ADCY7: variants seen among roughly 807,000 people sequenced by gnomAD.
ADCY7 encodes the protein adenylate cyclase 7, also known as adenylate cyclase type 7.
A neutral mutation model predicts 120.6 loss-of-function variants in ADCY7; 72 were observed. The observed-to-expected ratio is 0.60, with a 90% confidence interval of 0.49 to 0.73. The LOEUF is 0.73. Among genes scored for constraint, ADCY7 ranks in the 30% least tolerant of loss-of-function variants. The pLI is 0.00. For missense variants in ADCY7, 1,227 were observed against 1,486.0 expected (o/e 0.83, Z 2.87); for synonymous variants, 661 against 628.0 (o/e 1.05, Z -0.78).
intron 1 of ADCY7, among the ~76,000 whole-genome samples, chr16:50,277,820 G>A (rs1301003225): frequency 1.3e-5 from 2 of 151,546 alleles, no homozygotes; most frequent in Admixed American, 6.6e-5. Flanking sequence ...ACAGGCACCC[G>A]CCACCACGCC....
At position 50,312,080 on chromosome 16, in the gene ADCY7, C is replaced by A; in HGVS notation, c.2493C>A (p.Phe831Leu). ...CRLDCLWKKK[F>L]KKEHEEFETM... ...TGGACTGCCTATGGAAGAAGAAGTT[C>A]AAGAAGGAGCACGAGGAGTTTGAGA... is the stretch of plus-strand genomic sequence containing the variant. Residue 831 changes from phenylalanine to leucine, a missense_variant, in exon 21 of 26, where the codon TTC (phenylalanine) becomes TTA (leucine). By Grantham distance (22) the Phe-to-Leu change is conservative. Coordinates refer to ENST00000673801, the MANE Select transcript of ADCY7 (RefSeq NM_001114.5). The A allele has an allele frequency of 6.2e-7, 1 of 1,614,190 alleles. No individual in the cohort carries two copies. The highest frequency in any genetic ancestry group is 8.5e-7 in the Non-Finnish European group (1 of 1,180,028).
chr16:50,305,469 C>T, intron 12 of ADCY7, 34 bp from the exon 13 acceptor site: 1 of 1,595,646 alleles, frequency 6.3e-7, no homozygotes, highest in Non-Finnish European at 8.6e-7. Flanking sequence ...GAGGTGGTCG[C>T]TGTGCTGATG....
intron 24 of ADCY7, chr16:50,314,774 C>G (rs1414968528): frequency 2.0e-6 from 1 of 509,894 alleles, no homozygotes; most frequent in Non-Finnish European, 3.5e-6. Flanking sequence ...GAGAGATTAG[C>G]AGATACAAGT....
upstream of ADCY7, among the ~76,000 whole-genome samples, chr16:50,262,340 C>A (rs2033080519): frequency 6.6e-6 from 1 of 151,790 alleles, no homozygotes; most frequent in Non-Finnish European, 1.5e-5. Context: ...TTACTGCAAC[C>A]TTTGCTTCCT....
At chr16:50,255,952 A>C (rs1441378694) in intron 1 of ADCY7, among the ~76,000 whole-genome samples, 1 of 152,256 alleles carries the variant, frequency 6.6e-6, no homozygotes, top group South Asian at 2.1e-4. Context: ...AGACTTAAAC[A>C]TAAGACCTGA....
chr16:50,264,072 C>T (rs2033127252), upstream of ADCY7, among the ~76,000 whole-genome samples: 2 of 152,184 alleles, frequency 1.3e-5, no homozygotes, highest in South Asian at 4.1e-4. Context: ...TAACCAGCAC[C>T]CACAGGGAGA....
intron 1 of ADCY7, among the ~76,000 whole-genome samples, chr16:50,253,460 C>T (rs2032818643): frequency 1.3e-5 from 2 of 152,172 alleles, no homozygotes; most frequent in South Asian, 2.1e-4. Flanking sequence ...CCATGTTGCC[C>T]AGGCTGGTCT....
intron 22 of ADCY7, chr16:50,313,608 C>A (rs1053383579): frequency 1.9e-5 from 5 of 259,098 alleles, no homozygotes; most frequent in Non-Finnish European, 2.9e-5. Context: ...CCAACTAAGC[C>A]CACGCTATCA....
chr16:50,263,483 C>T (rs993992191), upstream of ADCY7, among the ~76,000 whole-genome samples: 1 of 152,184 alleles, frequency 6.6e-6, no homozygotes, highest in Non-Finnish European at 1.5e-5. Flanking sequence ...CCTTGATTAT[C>T]AAACGGCAGG....
chr16:50,314,932 G>GTA (rs2036719592), intron 24 of ADCY7, 82 bp from the exon 25 acceptor site: 1 of 1,568,900 alleles, frequency 6.4e-7, no homozygotes, highest in Non-Finnish European at 8.7e-7. Flanking sequence ...CTGTGCTGGG[G>GTA]TATGGATTCT....
intron 7 of ADCY7, among the ~76,000 whole-genome samples, chr16:50,295,645 G>C (rs929690400): frequency 6.6e-6 from 1 of 152,134 alleles, no homozygotes; most frequent in Admixed American, 6.5e-5. Flanking sequence ...TGAGGTGTGA[G>C]GGGGACAAGG....
chr16:50,300,883 G>C lies in ADCY7; in HGVS notation c.1235+10G>C, dbSNP rs1391497106. On this transcript the variant is annotated intron_variant, in intron 9 of 25. Coordinates refer to ENST00000673801, the MANE Select transcript of ADCY7 (RefSeq NM_001114.5). ...CAGCCGGAGTACCCGGGTGAGGCTGGGCTGGGTAGCCGCAGGGACAGAGGC... is the reference window on the plus strand; with the variant it reads ...CAGCCGGAGTACCCGGGTGAGGCTGCGCTGGGTAGCCGCAGGGACAGAGGC... The C allele has an allele frequency of 1.3e-6, 2 of 1,554,090 alleles. No individual in the cohort carries two copies. Among genetic ancestry groups the C allele is most frequent in the South Asian group, 2.4e-5 (2 of 84,312 alleles).
chr16:50,306,156 G>A (rs2036051103), intron 14 of ADCY7, among the ~76,000 whole-genome samples: 2 of 152,264 alleles, frequency 1.3e-5, no homozygotes, highest in Non-Finnish European at 1.5e-5. Flanking sequence ...GCCTCAGGCT[G>A]ATGGCACCGG....
intron 10 of ADCY7, among the ~76,000 whole-genome samples, chr16:50,301,493 A>G (rs911056648): frequency 9.9e-5 from 15 of 152,256 alleles, no homozygotes; most frequent in South Asian, 2.1e-4. Context: ...GGCACGTCAC[A>G]GCATTCTATG....
intron 1 of ADCY7, among the ~76,000 whole-genome samples, chr16:50,277,961 C>T (rs547912278): frequency 1.3e-5 from 2 of 152,028 alleles, no homozygotes; most frequent in Admixed American, 6.6e-5. Context: ...TGAGCCACTG[C>T]GCCCGGCCTA....
intron 1 of ADCY7, among the ~76,000 whole-genome samples, chr16:50,260,043 G>A (rs1267919051): frequency 6.6e-6 from 1 of 152,228 alleles, no homozygotes; most frequent in African/African-American, 2.4e-5. Context: ...CCCTCTCCCT[G>A]GGGAGCTCAC....
At chr16:50,251,057 A>G (rs1399069006) in intron 1 of ADCY7, among the ~76,000 whole-genome samples, 1 of 152,064 alleles carries the variant, frequency 6.6e-6, no homozygotes, top group East Asian at 1.9e-4. Context: ...CAACATAGCA[A>G]GATTCTGTTT....
intron 8 of ADCY7, among the ~76,000 whole-genome samples, chr16:50,300,174 G>A (rs1359995267): frequency 6.6e-6 from 1 of 152,128 alleles, no homozygotes; most frequent in Non-Finnish European, 1.5e-5. Context: ...GGGTTCAAGC[G>A]ATTCTCCTGT....
intron 1 of ADCY7, among the ~76,000 whole-genome samples, chr16:50,261,251 G>C (rs1446236484): frequency 6.6e-6 from 1 of 152,208 alleles, no homozygotes; most frequent in Non-Finnish European, 1.5e-5. Flanking sequence ...TTGTGGCCTA[G>C]AGGAGGTGAT....
Sources: gnomAD v4.1 joint callset for allele counts (sites outside exome capture counted in the v4.1 genomes callset) on GRCh38, gnomAD v4.1.1 for gene constraint, MANE v1.5 for transcripts, NCBI Gene and HGNC (gene_info 2026-07-23, HGNC 2026-07-21) for gene names.